SPINK5: variants seen among roughly 807,000 people sequenced by gnomAD.
SPINK5 encodes the protein serine peptidase inhibitor Kazal type 5.
Under a neutral mutation model 151.8 loss-of-function variants are expected in SPINK5, and 125 were observed. That is an observed-to-expected ratio of 0.82 (90% CI 0.71 to 0.96). The LOEUF (loss-of-function observed/expected upper bound fraction) is 0.96, where lower values mean the gene tolerates loss of function less well. Ranked by LOEUF, SPINK5 falls within the 40% of genes least tolerant of loss-of-function variation. SPINK5 has a pLI of 0.00. For missense variants in SPINK5, 1,194 were observed against 1,291.9 expected (o/e 0.92, Z 1.16); for synonymous variants, 374 against 395.3 (o/e 0.95, Z 0.64).
chr5:148,114,268 C>CCT, intron 20 of SPINK5, 94 bp from the exon 21 acceptor site: 1 of 1,295,964 alleles, frequency 7.7e-7, no homozygotes, highest in East Asian at 2.8e-5. Context: ...CATTTTCTCT[C>CCT]TCTTTTTTTT....
chr5:148,096,891 T>C (rs1753483353), intron 10 of SPINK5, among the ~76,000 whole-genome samples: 1 of 151,802 alleles, frequency 6.6e-6, no homozygotes. Flanking sequence ...TCCAAAGTGC[T>C]AAGATTACAG....
At chr5:148,122,095 C>T (rs1171609513) in intron 26 of SPINK5, among the ~76,000 whole-genome samples, 4 of 151,916 alleles carry the variant, frequency 2.6e-5, no homozygotes, top group Admixed American at 6.6e-5. Context: ...TATATTTAAA[C>T]CTCCCCAAAA....
At chr5:148,102,628 T>G (rs542605164) in intron 15 of SPINK5, among the ~76,000 whole-genome samples, 1 of 152,304 alleles carries the variant, frequency 6.6e-6, no homozygotes, top group East Asian at 1.9e-4. Flanking sequence ...ATAATTATAC[T>G]AATTGCTTTT....
intron 4 of SPINK5, among the ~76,000 whole-genome samples, chr5:148,078,621 A>G (rs1197999209): frequency 1.3e-5 from 2 of 150,860 alleles, no homozygotes; most frequent in Admixed American, 1.3e-4. Flanking sequence ...CAAACCCAGC[A>G]AGGAAAATGA....
intron 16 of SPINK5, among the ~76,000 whole-genome samples, chr5:148,105,771 A>G (rs1420477430): frequency 6.9e-6 from 1 of 145,562 alleles, no homozygotes; most frequent in Non-Finnish European, 1.5e-5. Context: ...CACGTGCCAC[A>G]ATGCCCAGCT....
chr5:148,099,219 T>G lies in SPINK5; in HGVS notation c.1011-15T>G. ...TTGTTCCTAATGGATCTGCTTCTTT[T>G]TCCCTCTTATTCAGCCAAGCAGAAA... On this transcript the variant is annotated splice_polypyrimidine_tract_variant and intron_variant, in intron 11 of 32. Coordinates refer to ENST00000256084, the MANE Select transcript of SPINK5 (RefSeq NM_006846.4). 6.2e-7 allele frequency: 1 copy of G among 1,601,900 alleles called. No individual in the cohort carries two copies. Among genetic ancestry groups the G allele is most frequent in the Non-Finnish European group, 8.5e-7 (1 of 1,172,920 alleles).
chr5:148,118,917 A>G (rs185074748), intron 23 of SPINK5, 69 bp from the exon 24 acceptor site: 1,583 of 1,486,474 alleles, frequency 1.1e-3, no homozygotes, highest in Non-Finnish European at 1.2e-3. Context: ...TTTGCACGGG[A>G]CACACTTAGT....
At chr5:148,087,549 C>T (rs949883055) in intron 5 of SPINK5, among the ~76,000 whole-genome samples, 1 of 151,756 alleles carries the variant, frequency 6.6e-6, no homozygotes, top group Non-Finnish European at 1.5e-5. Context: ...CAACTCTCAC[C>T]AAGGGTCAAC....
intron 25 of SPINK5, 77 bp downstream of exon 25, chr5:148,120,213 G>A (rs1581101961): frequency 1.9e-6 from 3 of 1,611,804 alleles, no homozygotes; most frequent in South Asian, 1.1e-5. Context: ...TTGGGAAAAT[G>A]ACAATTGTTT....
intron 29 of SPINK5, 152 bp downstream of exon 29, chr5:148,126,002 T>G: frequency 8.3e-7 from 1 of 1,208,458 alleles, no homozygotes; most frequent in Non-Finnish European, 1.2e-6. Context: ...ACACCTGATA[T>G]AGTAGAAAGA....
At chr5:148,134,240 ATT>A (rs1754644565) in intron 32 of SPINK5, among the ~76,000 whole-genome samples, 1 of 152,186 alleles carries the variant, frequency 6.6e-6, no homozygotes, top group African/African-American at 2.4e-5. Flanking sequence ...ACAGAGTTGG[ATT>A]TAAACAATTT....
intron 26 of SPINK5, among the ~76,000 whole-genome samples, chr5:148,121,950 A>G (rs527883447): frequency 2.0e-3 from 300 of 152,152 alleles, no homozygotes; most frequent in African/African-American, 7.1e-3. Flanking sequence ...CCTGGGCAAC[A>G]GAGTAAGAAC....
At chr5:148,104,692 G>GT (rs1219527942) in intron 15 of SPINK5, among the ~76,000 whole-genome samples, 3 of 152,020 alleles carry the variant, frequency 2.0e-5, no homozygotes, top group Non-Finnish European at 4.4e-5. Context: ...TCAGGAGTTC[G>GT]AGACCAGCCT....
At chr5:148,133,722 A>C in intron 31 of SPINK5, 75 bp from the exon 32 acceptor site, 1 of 1,450,768 alleles carries the variant, frequency 6.9e-7, no homozygotes. Context: ...AGTGTCCTGC[A>C]TGTTGGTCCT....
chr5:148,093,338 C>G (rs985579364), intron 8 of SPINK5, among the ~76,000 whole-genome samples: 9 of 151,754 alleles, frequency 5.9e-5, no homozygotes, highest in African/African-American at 2.2e-4. Flanking sequence ...ACAAATCTTT[C>G]TTGGATTTTT....
intron 7 of SPINK5, among the ~76,000 whole-genome samples, chr5:148,090,108 T>G (rs536478275): frequency 2.4e-4 from 37 of 151,980 alleles, no homozygotes; most frequent in African/African-American, 7.0e-4. Context: ...AAGGAAGGGC[T>G]ATTGGGTTAA....
chr5:148,079,537 A>T (rs1192008915), intron 4 of SPINK5, among the ~76,000 whole-genome samples: 1 of 151,192 alleles, frequency 6.6e-6, no homozygotes, highest in East Asian at 1.9e-4. Context: ...TGAATCTGCA[A>T]TATGAAAAAA....
Position 148,124,752 on chromosome 5 carries a change from A to ATT in SPINK5, c.2667-13_2667-12insTT, listed in dbSNP as rs1561704956. 3.9e-6 allele frequency: 6 copies of ATT among 1,530,976 alleles called. No individual in the cohort carries two copies. The African/African-American group carries it at 5.6e-5, about 14-fold the overall frequency. The allele number at this position is 1,530,976 out of a possible 1,614,324, so 94.8% of individuals were successfully genotyped here. ...GAAAAATTACCCTATCTTTTTTTTT[A>ATT]ATTATTCTGCAGTGATCGAGAAGCT... On this transcript the variant is annotated splice_polypyrimidine_tract_variant and intron_variant, in intron 27 of 32. Coordinates refer to ENST00000256084, the MANE Select transcript of SPINK5 (RefSeq NM_006846.4).
chr5:148,113,019 C>T (rs1432903368), intron 20 of SPINK5, 85 bp downstream of exon 20: 4 of 1,574,396 alleles, frequency 2.5e-6, no homozygotes, highest in Admixed American at 1.8e-5. Context: ...TTACTGAAAC[C>T]CCAGTTGTGA....
Sources: gnomAD v4.1 joint callset for allele counts (sites outside exome capture counted in the v4.1 genomes callset) on GRCh38, gnomAD v4.1.1 for gene constraint, MANE v1.5 for transcripts, NCBI Gene and HGNC (gene_info 2026-07-23, HGNC 2026-07-21) for gene names.